Variants in POFUT2 observed in about 807,000 individuals in gnomAD.
POFUT2 encodes the protein protein O-fucosyltransferase 2.
In POFUT2, 30 loss-of-function variants were observed where a neutral mutation model predicts 55.0. That is an observed-to-expected ratio of 0.55 (90% confidence interval 0.41 to 0.74). The LOEUF is 0.74. Ranked by LOEUF, POFUT2 falls within the 30% of genes least tolerant of loss-of-function variation. The pLI is 0.00. For synonymous variants in POFUT2, 267 were observed against 231.1 expected (o/e 1.16, Z -1.41); for missense variants, 524 against 562.6 (o/e 0.93, Z 0.69).
intron 6 of POFUT2, among the ~76,000 whole-genome samples, chr21:45,275,470 G>T (rs1462306073): frequency 3.3e-5 from 5 of 152,226 alleles, no homozygotes; most frequent in African/African-American, 9.6e-5. Flanking sequence ...ACTTGCATAT[G>T]CATGTTTATA....
chr21:45,283,236 G>T, intron 3 of POFUT2, 147 bp downstream of exon 3: 1 of 445,180 alleles, frequency 2.2e-6, no homozygotes, highest in South Asian at 2.1e-5. Context: ...GTGGCGGGGG[G>T]AGGCGGGGTG....
chr21:45,268,508 G>A (rs1047075181), intron 7 of POFUT2, among the ~76,000 whole-genome samples: 25 of 145,536 alleles, frequency 1.7e-4, no homozygotes, highest in African/African-American at 2.5e-4. Context: ...GAGCATCTCC[G>A]CCCGGCCGCC....
At chr21:45,275,849 C>A (rs114280890) in intron 6 of POFUT2, among the ~76,000 whole-genome samples, 164 of 151,702 alleles carry the variant, frequency 1.1e-3, no homozygotes, top group Non-Finnish European at 1.8e-3. Flanking sequence ...ATCCATGTAA[C>A]CAAACACCAC....
In POFUT2 at chr21:45,267,457, G is replaced by A. The variant is rs370882963; in HGVS notation, c.1136+133C>T. 9.9e-6 allele frequency: 16 copies of A among 1,613,858 alleles called. No homozygotes were observed. Among genetic ancestry groups the A allele is most frequent in the South Asian group, 4.4e-5 (4 of 91,078 alleles). ...ACCAGATGCTACAGGAGACTCAGAC[G>A]AGGAGGCAAACAGTATGGAAATGAC... On this transcript the variant is annotated intron_variant, in intron 8 of 8. Coordinates refer to ENST00000349485, the MANE Select transcript of POFUT2 (RefSeq NM_133635.6). This position sits in a 1 kb window ranked among gnomAD's most constrained non-coding sequence, Gnocchi z 4.4.
intron 1 of POFUT2, among the ~76,000 whole-genome samples, chr21:45,286,997 G>A (rs1243353227): frequency 2.6e-5 from 4 of 152,134 alleles, no homozygotes; most frequent in African/African-American, 9.7e-5. Flanking sequence ...ACTTGCAGGG[G>A]CCTCCGGAGC....
chr21:45,267,260 T>A lies in POFUT2; in HGVS notation c.1136+330A>T. On this transcript the variant is annotated intron_variant, in intron 8 of 8. Coordinates refer to ENST00000349485, the MANE Select transcript of POFUT2 (RefSeq NM_133635.6). The surrounding 1 kb of genome is among the most constrained non-coding windows in gnomAD (Gnocchi z 4.4). The stretch of plus-strand genomic sequence containing the variant: ...TGCCCAAGTCCAGGGCACGGGCAAC[T>A]CTCAGGGCAGGGGGCAGACAGGGGC... The A allele has an allele frequency of 2.1e-6, 3 of 1,436,558 alleles. No homozygotes were observed. The highest frequency in any genetic ancestry group is 2.7e-6 in the Non-Finnish European group (3 of 1,101,492). 89.0% of individuals were successfully genotyped at this position (1,436,558 alleles called of 1,614,324 possible).
In POFUT2 at chr21:45,287,776, C is replaced by G. The variant is rs1302654783; in HGVS notation, c.96G>C (p.Ala32=). The G allele has an allele frequency of 6.0e-6, 9 of 1,505,186 alleles. No homozygotes were observed. The highest frequency in any genetic ancestry group is 8.0e-6 in the Non-Finnish European group (9 of 1,122,068). 93.2% of individuals were successfully genotyped at this position (1,505,186 alleles called of 1,614,324 possible). A position where few individuals can be genotyped will look rare whatever the true frequency, so the allele number is the denominator to read the frequency against. The change falls in exon 1 of 9, where the codon GCG becomes GCC. Residue 32 remains alanine (A), a synonymous_variant. Coordinates refer to ENST00000349485, the MANE Select transcript of POFUT2 (RefSeq NM_133635.6). ...AAGCCGCCCCCGACAGAATATCGGC[C>G]GCCGATTGTCCGGGCCAGAACTCCT... The part of the protein sequence containing the change: ...SGQEFWPGQS[A]ADILSGAASR...
chr21:45,265,161 G>C lies in POFUT2; in HGVS notation c.*321C>G, dbSNP rs1357736794. On this transcript the variant is annotated 3_prime_UTR_variant, in exon 9 of 9. Coordinates refer to ENST00000349485, the MANE Select transcript of POFUT2 (RefSeq NM_133635.6). The surrounding 1 kb of genome is among the most constrained non-coding windows in gnomAD (Gnocchi z 4.6). Reference sequence around the variant, plus strand: ...ACATGAAAGGTGGCTGGAAAGGCCAGAGCGGGAGCCTGACAAACACTCCTG... The same window carrying C: ...ACATGAAAGGTGGCTGGAAAGGCCACAGCGGGAGCCTGACAAACACTCCTG... The C allele has an allele frequency of 4.0e-6, 1 of 252,864 alleles. No homozygotes were observed. Among genetic ancestry groups the C allele is most frequent in the Non-Finnish European group, 7.5e-6 (1 of 132,758 alleles). The allele number at this position is 252,864 out of a possible 1,614,324, so 15.7% of individuals were successfully genotyped here.
Position 45,287,877 on chromosome 21 carries a change from C to T in POFUT2, c.-6G>A. On this transcript the variant is annotated 5_prime_UTR_variant, in exon 1 of 9. Coordinates refer to ENST00000349485, the MANE Select transcript of POFUT2 (RefSeq NM_133635.6). Reference sequence around the variant, plus strand: ...ACGAAGCTGAGTGTCGCCATGGCCCCGGGCGGCCACGCACTTCCGGCGGCC... The same window carrying T: ...ACGAAGCTGAGTGTCGCCATGGCCCTGGGCGGCCACGCACTTCCGGCGGCC... The T allele has an allele frequency of 7.5e-7, 1 of 1,336,508 alleles. No individual in the cohort carries two copies. The highest frequency in any genetic ancestry group is 9.7e-7 in the Non-Finnish European group (1 of 1,035,914). 82.8% of individuals were successfully genotyped at this position (1,336,508 alleles called of 1,614,324 possible).
At chr21:45,266,232 G>A (rs533959235) in intron 8 of POFUT2, 10 of 1,367,578 alleles carry the variant, frequency 7.3e-6, no homozygotes, top group Admixed American at 5.7e-5. Context: ...CATGAACTTC[G>A]TGAACAAGCA....
Position 45,267,181 on chromosome 21 carries a change from C to T in POFUT2, c.1136+409G>A, listed in dbSNP as rs994228141. On this transcript the variant is annotated intron_variant, in intron 8 of 8. Transcript: ENST00000349485. This position sits in a 1 kb window ranked among gnomAD's most constrained non-coding sequence, Gnocchi z 4.4. ...ACGAGAATGATCACACGAGGGCCCA[C>T]GCTCCCGGCCTCGGGGACGCTCACG... The T allele has an allele frequency of 6.8e-5, 91 of 1,336,250 alleles. No homozygotes were observed. The highest frequency in any genetic ancestry group is 3.3e-4 in the South Asian group (21 of 63,588). 82.8% of individuals were successfully genotyped at this position (1,336,250 alleles called of 1,614,324 possible).
In POFUT2 at chr21:45,264,165, G is replaced by C. The variant is rs2146526973; in HGVS notation, c.*1317C>G. The stretch of plus-strand genomic sequence containing the variant: ...TAAAAGCTTGAGAAGACACAGCAAG[G>C]TGATGTCCTAGACTAGCCAGGCTCC... On this transcript the variant is annotated 3_prime_UTR_variant, in exon 9 of 9. Transcript: ENST00000349485. The C allele has an allele frequency of 6.6e-6, 1 of 152,076 alleles. No individual in the cohort carries two copies. The highest frequency in any genetic ancestry group is 1.9e-4 in the East Asian group (1 of 5,176). The allele number at this position is 152,076 out of a possible 1,614,324, so 9.4% of individuals were successfully genotyped here.
intron 3 of POFUT2, chr21:45,283,086 TACC>T (rs1385566457): frequency 2.6e-6 from 1 of 381,670 alleles, no homozygotes; most frequent in Non-Finnish European, 5.2e-6. Flanking sequence ...CCACAAGCGC[TACC>T]ACCACAAGGG....
Position 45,277,934 on chromosome 21 carries a change from G to A in POFUT2, c.705+169C>T, listed in dbSNP as rs574368555. 3.3e-5 allele frequency among the ~76,000 whole-genome samples: 5 copies of A among 152,206 alleles called. No individual in the cohort carries two copies. Among genetic ancestry groups the A allele is most frequent in the Admixed American group, 6.5e-5 (1 of 15,286 alleles). On this transcript the variant is annotated intron_variant, in intron 5 of 8. Transcript: ENST00000349485. The surrounding 1 kb of genome is among the most constrained non-coding windows in gnomAD (Gnocchi z 6.9). The stretch of plus-strand genomic sequence containing the variant: ...CCCGAGGACCTGGCTCTGCAGCCAC[G>A]TGAGGCTTGGGGGTGGCACAGTCAC...
chr21:45,283,256 G>A, intron 3 of POFUT2, 127 bp downstream of exon 3: 1 of 463,978 alleles, frequency 2.2e-6, no homozygotes, highest in East Asian at 4.1e-5. Flanking sequence ...GCTGCAGGGG[G>A]GGCGGGGGGC....
chr21:45,280,756 C>T (rs1011483504), intron 4 of POFUT2, among the ~76,000 whole-genome samples: 6 of 151,272 alleles, frequency 4.0e-5, no homozygotes, highest in African/African-American at 9.8e-5. Context: ...CTGTCCCTCA[C>T]TCGCTGGGTT....
intron 2 of POFUT2, among the ~76,000 whole-genome samples, chr21:45,283,809 C>T (rs960597665): frequency 6.6e-6 from 1 of 152,148 alleles, no homozygotes; most frequent in Non-Finnish European, 1.5e-5. Flanking sequence ...CACAGGGGCC[C>T]GTGTGAGCCC....
At chr21:45,269,202 G>A (rs1369554883) in intron 7 of POFUT2, among the ~76,000 whole-genome samples, 5 of 151,592 alleles carry the variant, frequency 3.3e-5, no homozygotes, top group South Asian at 2.1e-4. Flanking sequence ...CGCCCCGTCC[G>A]GGAGGTGAGG....
intron 3 of POFUT2, 127 bp downstream of exon 3, chr21:45,283,237 AGGCGGGGTGCTGCAGGGGG>A (rs1419348975): frequency 1.2e-3 from 422 of 351,328 alleles, no homozygotes; most frequent in Middle Eastern, 8.4e-3. Context: ...TGGCGGGGGG[AGGCGGGGTGCTGCAGGGGG>A]GGCGGGGGGC....
Sources: gnomAD v4.1 joint callset for allele counts (sites outside exome capture counted in the v4.1 genomes callset) on GRCh38, gnomAD v4.1.1 for gene constraint, Gnocchi (gnomAD v3.1) non-coding constraint, MANE v1.5 for transcripts, NCBI Gene and HGNC (gene_info 2026-07-23, HGNC 2026-07-21) for gene names.